The following NUMB variants were observed in gnomAD, a reference collection of about 807,000 sequenced individuals.
NUMB encodes protein numb homolog.
NUMB carries 29 observed loss-of-function variants against 59.7 expected under a neutral mutation model. The ratio of observed to expected loss-of-function variants is 0.49; its 90% CI spans 0.36 to 0.66. The LOEUF is 0.66. Ranked by LOEUF, NUMB falls within the 30% of genes least tolerant of loss-of-function variation. The pLI is 0.00. For missense variants in NUMB, 723 were observed against 822.0 expected (o/e 0.88, Z 1.47); for synonymous variants, 288 against 288.2 (o/e 1.00, Z 0.01).
chr14:73,440,284 CATCCATATATCTATAGAT>C (rs1882954511), intron 1 of NUMB, among the ~76,000 whole-genome samples: 1 of 150,872 alleles, frequency 6.6e-6, no homozygotes, highest in African/African-American at 2.4e-5. Flanking sequence ...TATATATACA[CATCCATATATCTATAGAT>C]ATCCATATAT....
chr14:73,303,231 A>G (rs1890248063), intron 6 of NUMB, among the ~76,000 whole-genome samples: 1 of 151,900 alleles, frequency 6.6e-6, no homozygotes, highest in Non-Finnish European at 1.5e-5. Context: ...AAAGAAAGAA[A>G]CAAAGAAAAA....
chr14:73,408,201 T>G (rs1188371629), intron 2 of NUMB, among the ~76,000 whole-genome samples: 1 of 149,590 alleles, frequency 6.7e-6, no homozygotes, highest in Non-Finnish European at 1.5e-5. Flanking sequence ...CACTCCAGCC[T>G]GGGCGACAGA....
At chr14:73,380,743 G>A (rs569159258) in intron 2 of NUMB, among the ~76,000 whole-genome samples, 6 of 46,476 alleles carry the variant, frequency 1.3e-4, no homozygotes, top group Non-Finnish European at 2.7e-4. Flanking sequence ...TTTTTTTTTT[G>A]AGACAGAGTC....
chr14:73,293,393 C>CTTTTTTT (rs56116167), intron 7 of NUMB, among the ~76,000 whole-genome samples: 11 of 95,554 alleles, frequency 1.2e-4, no homozygotes, highest in East Asian at 2.4e-4. Flanking sequence ...GTTTCTTTTT[C>CTTTTTTT]TTTTTTTTTT....
At chr14:73,415,015 C>T (rs1262899470) in intron 1 of NUMB, among the ~76,000 whole-genome samples, 1 of 152,166 alleles carries the variant, frequency 6.6e-6, no homozygotes, top group Non-Finnish European at 1.5e-5. Flanking sequence ...CCACGCCCAG[C>T]TGATAATGAT....
At chr14:73,316,448 G>C (rs1312543159) in intron 5 of NUMB, 26 bp from the exon 6 acceptor site, 19 of 1,611,322 alleles carry the variant, frequency 1.2e-5, no homozygotes, top group Non-Finnish European at 1.4e-5. Flanking sequence ...GACAAGTCGA[G>C]TGCTATTATT....
At chr14:73,408,673 T>G (rs1248842106) in intron 2 of NUMB, among the ~76,000 whole-genome samples, 1 of 150,728 alleles carries the variant, frequency 6.6e-6, no homozygotes, top group East Asian at 1.9e-4. Flanking sequence ...AGGTCAGGAG[T>G]TCAAGACCAG....
intron 6 of NUMB, among the ~76,000 whole-genome samples, chr14:73,299,601 A>C (rs536918186): frequency 9.3e-5 from 14 of 150,094 alleles, no homozygotes; most frequent in Non-Finnish European, 1.0e-4. Flanking sequence ...CATATATATG[A>C]TATGACATAT....
chr14:73,376,058 G>A (rs977416231), intron 2 of NUMB, among the ~76,000 whole-genome samples: 7 of 152,078 alleles, frequency 4.6e-5, no homozygotes, highest in Non-Finnish European at 2.9e-5. Flanking sequence ...AAGTCCTAAT[G>A]CAATATGACA....
intron 1 of NUMB, among the ~76,000 whole-genome samples, chr14:73,439,936 C>T (rs1024291826): frequency 6.6e-6 from 1 of 152,060 alleles, no homozygotes; most frequent in African/African-American, 2.4e-5. Flanking sequence ...CTTCATTTAC[C>T]GTTCAAGTAT....
At chr14:73,446,159 G>C (rs1032262325) in intron 1 of NUMB, among the ~76,000 whole-genome samples, 6 of 151,744 alleles carry the variant, frequency 4.0e-5, no homozygotes, top group Non-Finnish European at 7.4e-5. Context: ...ACCACACCCG[G>C]CTAATTTTTG....
At chr14:73,456,047 A>C (rs1341746574) in intron 1 of NUMB, among the ~76,000 whole-genome samples, 3 of 152,212 alleles carry the variant, frequency 2.0e-5, no homozygotes, top group Non-Finnish European at 1.5e-5. Context: ...TGACAAGACA[A>C]ACACAGGAGG....
intron 8 of NUMB, among the ~76,000 whole-genome samples, chr14:73,289,743 A>T (rs1889266725): frequency 6.6e-6 from 1 of 152,236 alleles, no homozygotes; most frequent in Non-Finnish European, 1.5e-5. Context: ...ATGAGTTTCC[A>T]TCTAACTTCC....
chr14:73,354,831 A>AAAAAAAAAAAAAAC (rs1893692432), intron 4 of NUMB, among the ~76,000 whole-genome samples: 1 of 150,956 alleles, frequency 6.6e-6, no homozygotes, highest in Non-Finnish European at 1.5e-5. Context: ...GTGCCTCAAA[A>AAAAAAAAAAAAAAC]AAAAAAAGGA....
intron 2 of NUMB, among the ~76,000 whole-genome samples, chr14:73,379,950 T>C (rs1895149394): frequency 1.3e-5 from 2 of 152,190 alleles, no homozygotes; most frequent in South Asian, 4.1e-4. Context: ...GAGATTTATG[T>C]TTTTTAAGAA....
chr14:73,320,271 T>C (rs1891332936), intron 5 of NUMB, among the ~76,000 whole-genome samples: 1 of 152,250 alleles, frequency 6.6e-6, no homozygotes, highest in Admixed American at 6.5e-5. Context: ...GCTCCAAATC[T>C]AGTTTTTGTC....
At chr14:73,439,127 C>G (rs989977766) in intron 1 of NUMB, among the ~76,000 whole-genome samples, 3 of 152,106 alleles carry the variant, frequency 2.0e-5, no homozygotes, top group African/African-American at 7.2e-5. Flanking sequence ...TGATTTTCCA[C>G]AGAACTGAGC....
chr14:73,276,608 G>C lies in NUMB; in HGVS notation c.1926C>G (p.Asp642Glu), dbSNP rs35625053. Residue 642 changes from aspartate to glutamate, a missense_variant, in exon 13 of 13, where the codon GAC becomes GAG. Around this residue, in one of 2 missense-constraint regions of NUMB, gnomAD observed 406 missense variants for 385.4 expected, o/e 1.05. Coordinates refer to ENST00000555238, the MANE Select transcript of NUMB (RefSeq NM_001005743.2). ...NPSPTNPFSS[D>E]LQKTFEIEL ...GTTCAATTTCAAACGTCTTCTGTAA[G>C]TCACTGGAGAAAGGGTTGGTAGGGG... 435 of 1,613,648 alleles carry C rather than the reference G, an allele frequency of 2.7e-4. 2 individuals carry two copies. In the African/African-American group the frequency reaches 5.1e-3, roughly 19 times the overall value.
chr14:73,332,070 A>G (rs944165982), intron 4 of NUMB, among the ~76,000 whole-genome samples: 8 of 151,700 alleles, frequency 5.3e-5, no homozygotes, highest in African/African-American at 1.7e-4. Flanking sequence ...CTTTTTTTCC[A>G]TTTGAGTCCA....
Sources: gnomAD v4.1 joint callset for allele counts (sites outside exome capture counted in the v4.1 genomes callset) on GRCh38, gnomAD v4.1.1 for gene constraint, gnomAD v4.1.1 regional missense constraint, MANE v1.5 for transcripts, NCBI Gene and HGNC (gene_info 2026-07-23, HGNC 2026-07-21) for gene names.